The following TNNI3K variants were observed in gnomAD, a reference collection of about 807,000 sequenced individuals.
The protein encoded by TNNI3K is TNNI3 interacting kinase, also known as serine/threonine-protein kinase TNNI3K.
In TNNI3K, 140 loss-of-function variants were observed where a neutral mutation model predicts 114.5. The observed-to-expected ratio is 1.22, with a 90% CI of 1.07 to 1.41. The LOEUF (loss-of-function observed/expected upper bound fraction) is 1.41, where lower values mean the gene tolerates loss of function less well. TNNI3K is among the 40% of genes most tolerant of loss of function. The pLI, the probability that TNNI3K is intolerant of heterozygous loss-of-function variation, is 0.00. For synonymous variants in TNNI3K, 347 were observed against 347.5 expected (o/e 1.00, Z 0.02); for missense variants, 1,125 against 1,007.6 (o/e 1.12, Z -1.58).
rs1357152328 is a variant in TNNI3K at position 74,367,424 on chromosome 1, C to G, written c.1264+82C>G. The G allele has an allele frequency of 2.0e-6, 3 of 1,479,126 alleles. No individual in the cohort carries two copies. The African/African-American group carries it at 4.2e-5, about 21-fold the overall frequency. The allele number at this position is 1,479,126 out of a possible 1,614,324, so 91.6% of individuals were successfully genotyped here. A position where few individuals can be genotyped will look rare whatever the true frequency, so the allele number is the denominator to read the frequency against. ...AACCTGTGTTTCTGTTACTATCATT[C>G]TTTCAGGGGTTAGGGAGGAGGGCAT... On this transcript the variant is annotated intron_variant, in intron 12 of 24. Coordinates refer to ENST00000326637, the MANE Select transcript of TNNI3K (RefSeq NM_015978.3).
intron 18 of TNNI3K, among the ~76,000 whole-genome samples, 165 bp from the exon 19 acceptor site, chr1:74,436,309 G>T (rs1165868164): frequency 6.6e-6 from 1 of 151,858 alleles, no homozygotes; most frequent in South Asian, 2.1e-4. Context: ...TTGAAACTCT[G>T]TCATTTATTT....
intron 11 of TNNI3K, among the ~76,000 whole-genome samples, chr1:74,361,947 A>G (rs1194398967): frequency 6.6e-6 from 1 of 152,154 alleles, no homozygotes; most frequent in African/African-American, 2.4e-5. Flanking sequence ...GTAAAGGACC[A>G]GTGACATCCT....
At chr1:74,270,161 G>C (rs1334672434) in intron 4 of TNNI3K, among the ~76,000 whole-genome samples, 3 of 151,772 alleles carry the variant, frequency 2.0e-5, no homozygotes, top group African/African-American at 7.2e-5. Flanking sequence ...AAATAAATCT[G>C]CCTTAGTGAG....
At chr1:74,299,177 A>G (rs1658167139) in intron 5 of TNNI3K, among the ~76,000 whole-genome samples, 1 of 152,166 alleles carries the variant, frequency 6.6e-6, no homozygotes, top group Admixed American at 6.5e-5. Flanking sequence ...ATTATTTGCC[A>G]CTGTAAATGT....
intron 5 of TNNI3K, among the ~76,000 whole-genome samples, chr1:74,308,549 A>G (rs1276161665): frequency 6.6e-6 from 1 of 152,196 alleles, no homozygotes; most frequent in Non-Finnish European, 1.5e-5. Flanking sequence ...TGCCTACATC[A>G]AGAAGATAGA....
In TNNI3K at chr1:74,268,874, C is replaced by G. The variant is rs546965184; in HGVS notation, c.334-2724C>G. 2.6e-5 allele frequency among the ~76,000 whole-genome samples: 4 copies of G among 151,970 alleles called. No individual in the cohort carries two copies. The East Asian group carries it at 7.8e-4, about 29-fold the overall frequency. On this transcript the variant is annotated intron_variant, in intron 4 of 24. Coordinates refer to ENST00000326637, the MANE Select transcript of TNNI3K (RefSeq NM_015978.3). Reference sequence around the variant, plus strand: ...TTCCCTATCTCTCTATCATTAATTTCCCTACTACTTATTGCACTTGGAAAA... The same window carrying G: ...TTCCCTATCTCTCTATCATTAATTTGCCTACTACTTATTGCACTTGGAAAA...
intron 5 of TNNI3K, among the ~76,000 whole-genome samples, chr1:74,325,077 G>A (rs781563719): frequency 1.3e-5 from 2 of 152,210 alleles, no homozygotes; most frequent in Non-Finnish European, 2.9e-5. Flanking sequence ...ACAAGTAAGT[G>A]TGGGGGAATT....
chr1:74,461,920 CAG>C (rs1371174174), intron 20 of TNNI3K, among the ~76,000 whole-genome samples: 15 of 152,072 alleles, frequency 9.9e-5, no homozygotes, highest in Non-Finnish European at 1.6e-4. Flanking sequence ...AAACTAAATG[CAG>C]AGTCATTAAA....
At chr1:74,374,400 T>G (rs1455112293) in intron 17 of TNNI3K, 2 of 151,968 alleles carry the variant, frequency 1.3e-5, no homozygotes, top group African/African-American at 4.8e-5. Context: ...ATTTCCATTT[T>G]ACAGATAAGG....
intron 13 of TNNI3K, 63 bp from the exon 14 acceptor site, chr1:74,368,959 T>A (rs140773760): frequency 7.5e-7 from 1 of 1,328,582 alleles, no homozygotes; most frequent in East Asian, 2.4e-5. Context: ...TATATGCACA[T>A]GTATACACAT....
chr1:74,364,078 C>T (rs1387370853), intron 11 of TNNI3K, among the ~76,000 whole-genome samples: 2 of 150,222 alleles, frequency 1.3e-5, no homozygotes, highest in Non-Finnish European at 2.9e-5. Flanking sequence ...TAGCTCACTA[C>T]AATCTTAAAC....
At chr1:74,521,573 T>C (rs921924866) in intron 23 of TNNI3K, among the ~76,000 whole-genome samples, 6 of 152,052 alleles carry the variant, frequency 3.9e-5, no homozygotes, top group South Asian at 2.1e-4. Context: ...AATGCTACTA[T>C]TTCCATAAAG....
At chr1:74,466,820 T>G (rs1205859050) in intron 21 of TNNI3K, among the ~76,000 whole-genome samples, 4 of 152,174 alleles carry the variant, frequency 2.6e-5, no homozygotes, top group Non-Finnish European at 5.9e-5. Context: ...CTTCAACAAT[T>G]ATTTGTTGAG....
At chr1:74,456,742 A>G (rs1411656373) in intron 20 of TNNI3K, among the ~76,000 whole-genome samples, 1 of 152,170 alleles carries the variant, frequency 6.6e-6, no homozygotes, top group Non-Finnish European at 1.5e-5. Flanking sequence ...CCAGGCTCTT[A>G]GTAGTCTAGG....
chr1:74,268,266 G>T lies in TNNI3K; in HGVS notation c.334-3332G>T, dbSNP rs181069663. Reference sequence around the variant, plus strand: ...TCTGCATTGAAATTTCTGACCATCTGCAGGGAAAATGTTTTAAGGCGATGT... The same window carrying T: ...TCTGCATTGAAATTTCTGACCATCTTCAGGGAAAATGTTTTAAGGCGATGT... On this transcript the variant is annotated intron_variant, in intron 4 of 24. Transcript: ENST00000326637. Among the ~76,000 whole-genome samples the T allele has an allele frequency of 1.3e-4, 19 of 151,940 alleles. 1 individual carries two copies. The highest frequency in any genetic ancestry group is 2.1e-4 in the South Asian group (1 of 4,820).
At position 74,492,085 on chromosome 1, in the gene TNNI3K, T is replaced by C; in HGVS notation, c.2182-12T>C. 6.6e-7 allele frequency: 1 copy of C among 1,513,360 alleles called. No individual in the cohort carries two copies. The highest frequency in any genetic ancestry group is 9.0e-7 in the Non-Finnish European group (1 of 1,116,444). The allele number at this position is 1,513,360 out of a possible 1,614,324, so 93.7% of individuals were successfully genotyped here. Reference sequence around the variant, plus strand: ...AGTATTAAACAATTGAAATTGCCCCTCCTCCACTCAGCTGATGTCTCCTGC... The same window carrying C: ...AGTATTAAACAATTGAAATTGCCCCCCCTCCACTCAGCTGATGTCTCCTGC... On this transcript the variant is annotated splice_polypyrimidine_tract_variant and intron_variant, in intron 22 of 24. Transcript: ENST00000326637.
chr1:74,449,770 C>A (rs1666902017), intron 20 of TNNI3K, among the ~76,000 whole-genome samples: 2 of 151,166 alleles, frequency 1.3e-5, no homozygotes, highest in African/African-American at 2.4e-5. Context: ...CCTGAGTGAC[C>A]TACAAAGAGA....
chr1:74,241,017 G>A (rs1654164127), intron 2 of TNNI3K, among the ~76,000 whole-genome samples: 2 of 151,752 alleles, frequency 1.3e-5, no homozygotes, highest in Admixed American at 1.3e-4. Context: ...GTGAGGACAT[G>A]CGGTGTTTGG....
At chr1:74,481,368 G>T (rs535581912) in intron 21 of TNNI3K, among the ~76,000 whole-genome samples, 1 of 152,278 alleles carries the variant, frequency 6.6e-6, no homozygotes, top group South Asian at 2.1e-4. Flanking sequence ...AGCTGAGCCT[G>T]TGTCTGACCC....
Sources: gnomAD v4.1 joint callset for allele counts (sites outside exome capture counted in the v4.1 genomes callset) on GRCh38, gnomAD v4.1.1 for gene constraint, MANE v1.5 for transcripts, NCBI Gene and HGNC (gene_info 2026-07-23, HGNC 2026-07-21) for gene names.